The following GPC5 variants were observed in gnomAD, a reference collection of about 807,000 sequenced individuals.
GPC5 encodes the protein glypican-5.
Under a neutral mutation model 53.9 loss-of-function variants are expected in GPC5, and 47 were observed. The ratio of observed to expected loss-of-function variants is 0.87; its 90% CI spans 0.69 to 1.11. The LOEUF is 1.11. Among genes scored for constraint, GPC5 ranks in the 50% most tolerant of loss-of-function variants. The pLI, the probability that GPC5 is intolerant of heterozygous loss-of-function variation, is 0.00. For missense variants in GPC5, 748 were observed against 713.1 expected (o/e 1.05, Z -0.56); for synonymous variants, 286 against 263.3 (o/e 1.09, Z -0.84).
At chr13:91,680,779 T>A (rs1230982514) in intron 2 of GPC5, among the ~76,000 whole-genome samples, 1 of 152,216 alleles carries the variant, frequency 6.6e-6, no homozygotes, top group East Asian at 1.9e-4. Flanking sequence ...AAGATGCTGT[T>A]CACAGATTGA....
At chr13:92,422,837 G>C (rs570648952) in intron 7 of GPC5, among the ~76,000 whole-genome samples, 1 of 152,206 alleles carries the variant, frequency 6.6e-6, no homozygotes, top group Non-Finnish European at 1.5e-5. Context: ...TTGCCACATG[G>C]CAACAATATG....
intron 5 of GPC5, among the ~76,000 whole-genome samples, chr13:91,826,001 G>A (rs1207369057): frequency 6.6e-6 from 1 of 152,078 alleles, no homozygotes; most frequent in African/African-American, 2.4e-5. Flanking sequence ...CACCACCAGT[G>A]AGACAGATCG....
intron 5 of GPC5, among the ~76,000 whole-genome samples, chr13:91,864,542 A>G (rs1368038506): frequency 7.9e-5 from 12 of 152,202 alleles, no homozygotes; most frequent in Non-Finnish European, 4.4e-5. Context: ...CATATTATTT[A>G]TAAGTGATAG....
At chr13:92,164,200 C>A (rs2042010826) in intron 7 of GPC5, among the ~76,000 whole-genome samples, 1 of 152,148 alleles carries the variant, frequency 6.6e-6, no homozygotes, top group African/African-American at 2.4e-5. Flanking sequence ...TTTCAAAACA[C>A]AAGCATGCCT....
intron 5 of GPC5, among the ~76,000 whole-genome samples, chr13:91,819,569 C>G (rs1377616558): frequency 6.6e-6 from 1 of 152,122 alleles, no homozygotes; most frequent in African/African-American, 2.4e-5. Context: ...TAAAATCCAT[C>G]TATATTATTG....
chr13:92,506,964 G>C (rs532831664), intron 7 of GPC5, among the ~76,000 whole-genome samples: 2 of 152,172 alleles, frequency 1.3e-5, no homozygotes, highest in Non-Finnish European at 2.9e-5. Context: ...CTGTGCCTCT[G>C]TCTACACCTT....
intron 6 of GPC5, among the ~76,000 whole-genome samples, chr13:91,949,730 A>C (rs766659439): frequency 1.3e-5 from 2 of 152,212 alleles, no homozygotes; most frequent in Non-Finnish European, 2.9e-5. Context: ...CAGGTACAAA[A>C]GCAAAAAATC....
intron 7 of GPC5, among the ~76,000 whole-genome samples, chr13:92,715,422 G>A (rs1358978104): frequency 6.6e-6 from 1 of 152,188 alleles, no homozygotes; most frequent in African/African-American, 2.4e-5. Flanking sequence ...TCAAGAAATA[G>A]TGAGCTGGAA....
At chr13:91,673,581 G>T (rs1255949295) in intron 2 of GPC5, among the ~76,000 whole-genome samples, 1 of 152,184 alleles carries the variant, frequency 6.6e-6, no homozygotes, top group Non-Finnish European at 1.5e-5. Flanking sequence ...TCCTTAGCGT[G>T]ATGGTGATGC....
chr13:92,832,144 T>TA (rs758410686), intron 7 of GPC5, among the ~76,000 whole-genome samples: 5 of 152,188 alleles, frequency 3.3e-5, no homozygotes, highest in Non-Finnish European at 7.4e-5. Flanking sequence ...ATGGTCTAGA[T>TA]AAAAAAATAG....
At chr13:92,574,936 G>A (rs1242004058) in intron 7 of GPC5, among the ~76,000 whole-genome samples, 1 of 152,166 alleles carries the variant, frequency 6.6e-6, no homozygotes, top group Admixed American at 6.5e-5. Context: ...AGGGACGCTG[G>A]AAAGAGATAG....
chr13:92,749,989 C>T (rs1257023504), intron 7 of GPC5, among the ~76,000 whole-genome samples: 1 of 152,288 alleles, frequency 6.6e-6, no homozygotes, highest in Admixed American at 6.5e-5. Flanking sequence ...CTGAGCTATG[C>T]AGCTTGATAA....
chr13:92,195,083 T>C (rs1018578312), intron 7 of GPC5, among the ~76,000 whole-genome samples: 1 of 152,150 alleles, frequency 6.6e-6, no homozygotes, highest in Non-Finnish European at 1.5e-5. Flanking sequence ...GAATTGACAA[T>C]GAATCTGAAA....
chr13:91,615,639 C>A (rs374859405), intron 2 of GPC5, among the ~76,000 whole-genome samples: 9 of 152,142 alleles, frequency 5.9e-5, no homozygotes, highest in Non-Finnish European at 1.3e-4. Context: ...TATGTGATAG[C>A]AGCTCACAGG....
At chr13:92,432,734 G>A (rs1877148503) in intron 7 of GPC5, among the ~76,000 whole-genome samples, 1 of 151,912 alleles carries the variant, frequency 6.6e-6, no homozygotes, top group Admixed American at 6.6e-5. Context: ...AGTTAGAGAA[G>A]TCTTGGAAAG....
intron 7 of GPC5, among the ~76,000 whole-genome samples, chr13:92,622,155 A>G (rs571128808): frequency 6.6e-6 from 1 of 152,226 alleles, no homozygotes; most frequent in South Asian, 2.1e-4. Flanking sequence ...GAAAGTATGG[A>G]GGAAATAGTA....
At chr13:91,992,148 C>T (rs2040462666) in intron 6 of GPC5, among the ~76,000 whole-genome samples, 2 of 152,100 alleles carry the variant, frequency 1.3e-5, no homozygotes, top group Non-Finnish European at 2.9e-5. Flanking sequence ...AGTGATCCTC[C>T]TGCCTCCCAA....
At chr13:91,545,237 A>G (rs1486988297) in intron 2 of GPC5, among the ~76,000 whole-genome samples, 1 of 152,244 alleles carries the variant, frequency 6.6e-6, no homozygotes, top group Non-Finnish European at 1.5e-5. Flanking sequence ...AAAAACTGCC[A>G]TAAGCAAAGG....
At chr13:92,478,636 A>T (rs768979944) in intron 7 of GPC5, among the ~76,000 whole-genome samples, 1 of 152,170 alleles carries the variant, frequency 6.6e-6, no homozygotes. Context: ...GAAACCTGTC[A>T]ATAGGAAGAG....
Sources: allele counts gnomAD v4.1 joint callset (sites outside exome capture counted in the v4.1 genomes callset), GRCh38; gene constraint gnomAD v4.1.1; transcripts MANE v1.5; gene names NCBI Gene and HGNC (gene_info 2026-07-23, HGNC 2026-07-21).